METTL25: variants seen among roughly 807,000 people sequenced by gnomAD.
The protein encoded by METTL25 is probable methyltransferase-like protein 25.
In METTL25, 64 loss-of-function variants were observed where a neutral mutation model predicts 71.6. The observed-to-expected ratio is 0.89, with a 90% CI of 0.73 to 1.10. The LOEUF is 1.10. Ranked by LOEUF, METTL25 falls within the 50% of genes least tolerant of loss-of-function variation. The pLI, the probability that METTL25 is intolerant of heterozygous loss-of-function variation, is 0.00. For missense variants in METTL25, 807 were observed against 707.0 expected (o/e 1.14, Z -1.60); for synonymous variants, 287 against 250.3 (o/e 1.15, Z -1.38).
intron 8 of METTL25, among the ~76,000 whole-genome samples, chr12:82,453,753 TTATTA>T (rs1019150253): frequency 6.6e-6 from 1 of 152,150 alleles, no homozygotes. Context: ...ATAGACCTGT[TTATTA>T]TATTAATGCA....
At chr12:82,433,935 A>G (rs1889722787) in intron 6 of METTL25, among the ~76,000 whole-genome samples, 1 of 151,384 alleles carries the variant, frequency 6.6e-6, no homozygotes, top group South Asian at 2.1e-4. Context: ...ATATTTGGAA[A>G]TATATCTAAA....
chr12:82,396,827 T>G (rs1886125650), intron 3 of METTL25, among the ~76,000 whole-genome samples: 1 of 152,146 alleles, frequency 6.6e-6, no homozygotes, highest in Non-Finnish European at 1.5e-5. Context: ...TCTAGAACAT[T>G]GTACAAATGG....
intron 5 of METTL25, among the ~76,000 whole-genome samples, chr12:82,411,812 C>T (rs1318950292): frequency 6.6e-6 from 1 of 152,064 alleles, no homozygotes; most frequent in Non-Finnish European, 1.5e-5. Flanking sequence ...TTTAAATCTA[C>T]ACAAAGTCAG....
chr12:82,382,204 A>T (rs1174695273), intron 1 of METTL25, among the ~76,000 whole-genome samples: 5 of 152,164 alleles, frequency 3.3e-5, no homozygotes, highest in African/African-American at 7.2e-5. Context: ...ATGAATACAA[A>T]ATACTTCTGT....
Position 82,358,780 on chromosome 12 carries a change from T to A in METTL25, c.215T>A (p.Leu72Gln), listed in dbSNP as rs113882703. 2 of 1,612,822 alleles carry A rather than the reference T, an allele frequency of 1.2e-6. No homozygotes were observed. The highest frequency in any genetic ancestry group is 4.5e-5 in the East Asian group (2 of 44,844). ...AAGTCAGCGTCGGAGACGGAGGCCCTGCCCTCAGAGACGCGCCCCCTAGTG... is the reference window on the plus strand; with the variant it reads ...AAGTCAGCGTCGGAGACGGAGGCCCAGCCCTCAGAGACGCGCCCCCTAGTG... ...LRKSASETEA[L>Q]PSETRPLVEA... Residue 72 changes from leucine (L) to glutamine (Q), a missense_variant, in exon 1 of 12, where the codon CTG (leucine) becomes CAG (glutamine). Physicochemically the swap from Leu to Gln is moderately radical, Grantham distance 113. Coordinates refer to ENST00000248306, the MANE Select transcript of METTL25 (RefSeq NM_032230.3).
intron 5 of METTL25, among the ~76,000 whole-genome samples, chr12:82,419,578 A>T (rs1349222262): frequency 6.6e-6 from 1 of 152,044 alleles, no homozygotes; most frequent in African/African-American, 2.4e-5. Flanking sequence ...TTTAAAGAAG[A>T]TGTACAGATA....
chr12:82,385,757 A>G (rs1884929780), intron 1 of METTL25, among the ~76,000 whole-genome samples: 3 of 152,312 alleles, frequency 2.0e-5, no homozygotes, highest in South Asian at 4.1e-4. Context: ...TTTAATTTTA[A>G]TATATGCTTT....
chr12:82,401,683 T>C (rs1278754183), intron 4 of METTL25, among the ~76,000 whole-genome samples: 1 of 152,088 alleles, frequency 6.6e-6, no homozygotes, highest in Non-Finnish European at 1.5e-5. Flanking sequence ...GCTTTAAGAT[T>C]AATTTTAGTT....
chr12:82,415,983 A>C (rs1446103987), intron 5 of METTL25, among the ~76,000 whole-genome samples: 1 of 152,128 alleles, frequency 6.6e-6, no homozygotes, highest in East Asian at 1.9e-4. Flanking sequence ...TACTATTACC[A>C]ACTCTCTCCG....
At chr12:82,371,151 G>A (rs1883190501) in intron 1 of METTL25, among the ~76,000 whole-genome samples, 1 of 152,242 alleles carries the variant, frequency 6.6e-6, no homozygotes, top group Non-Finnish European at 1.5e-5. Flanking sequence ...AGACCTTGAG[G>A]ACAGTCATCC....
intron 5 of METTL25, among the ~76,000 whole-genome samples, chr12:82,417,217 T>C (rs1345448090): frequency 2.0e-5 from 3 of 152,152 alleles, no homozygotes; most frequent in Non-Finnish European, 4.4e-5. Flanking sequence ...AAAAAAAATC[T>C]ATATTTTGTG....
At chr12:82,425,324 G>C (rs766785995) in intron 5 of METTL25, among the ~76,000 whole-genome samples, 1 of 152,022 alleles carries the variant, frequency 6.6e-6, no homozygotes, top group South Asian at 2.1e-4. Context: ...ACCACTGCAG[G>C]CATTTGAGTT....
At chr12:82,400,338 CAAAAAAAA>C (rs67688329) in intron 4 of METTL25, among the ~76,000 whole-genome samples, 52,972 of 135,526 alleles carry the variant, frequency 0.39, 10,607 homozygotes, top group Non-Finnish European at 0.48. Flanking sequence ...TCCCCCCCAA[CAAAAAAAA>C]AAAGAAAAAA....
At chr12:82,442,249 G>A (rs1296140245) in intron 8 of METTL25, among the ~76,000 whole-genome samples, 1 of 152,094 alleles carries the variant, frequency 6.6e-6, no homozygotes, top group Non-Finnish European at 1.5e-5. Context: ...ATCAATAGAA[G>A]CTGACTTACC....
chr12:82,388,218 C>T (rs891377521), intron 2 of METTL25, among the ~76,000 whole-genome samples: 1 of 152,028 alleles, frequency 6.6e-6, no homozygotes, highest in Non-Finnish European at 1.5e-5. Flanking sequence ...ATTGGTGACC[C>T]TAAGTTTACT....
chr12:82,479,067 C>T lies in METTL25; in HGVS notation c.*43C>T. The T allele has an allele frequency of 6.5e-7, 1 of 1,537,400 alleles. No homozygotes were observed. The highest frequency in any genetic ancestry group is 1.1e-5 in the South Asian group (1 of 88,778). ...TATTAGATGTATTTCTCTATGAGAC[C>T]TGTTGCTGAGATTGCTTTTCTAAAC... On this transcript the variant is annotated 3_prime_UTR_variant, in exon 12 of 12. Transcript: ENST00000248306.
intron 8 of METTL25, among the ~76,000 whole-genome samples, chr12:82,453,400 C>G (rs974418267): frequency 9.9e-5 from 15 of 152,104 alleles, no homozygotes; most frequent in African/African-American, 3.6e-4. Context: ...GAATCCTATT[C>G]AAGTAGTATG....
intron 9 of METTL25, among the ~76,000 whole-genome samples, chr12:82,460,113 T>G (rs950623528): frequency 2.0e-5 from 3 of 152,330 alleles, no homozygotes; most frequent in South Asian, 4.1e-4. Context: ...CATCTTCTTA[T>G]CACATATGAT....
At chr12:82,390,052 A>T (rs1261487496) in intron 3 of METTL25, 130 bp downstream of exon 3, 2 of 596,328 alleles carry the variant, frequency 3.4e-6, no homozygotes, top group East Asian at 3.3e-5. Flanking sequence ...TAAACATCAG[A>T]TCCTTTAAAC....
Sources: gnomAD v4.1 joint callset for allele counts (sites outside exome capture counted in the v4.1 genomes callset) on GRCh38, gnomAD v4.1.1 for gene constraint, MANE v1.5 for transcripts, NCBI Gene and HGNC (gene_info 2026-07-23, HGNC 2026-07-21) for gene names.